SLC35F1: variants seen among roughly 807,000 people sequenced by gnomAD.
SLC35F1 encodes the protein chromosome 6 open reading frame 169.
In SLC35F1, 14 loss-of-function variants were observed where a neutral mutation model predicts 48.7. The observed-to-expected ratio is 0.29, with a 90% confidence interval of 0.19 to 0.45. The LOEUF is 0.45. Ranked by LOEUF, SLC35F1 falls within the 20% of genes least tolerant of loss-of-function variation. The probability of loss-of-function intolerance (pLI) is 1.00; values close to 1 mark genes in which losing one functional copy is unlikely to be tolerated. For synonymous variants in SLC35F1, 190 were observed against 202.2 expected, an observed-to-expected ratio of 0.94 and a Z score of 0.51; for missense variants, 404 against 500.0, an observed-to-expected ratio of 0.81 and a Z score of 1.83.
intron 2 of SLC35F1, among the ~76,000 whole-genome samples, chr6:118,179,124 G>A (rs932295869): frequency 6.6e-6 from 1 of 151,992 alleles, no homozygotes. Flanking sequence ...CAGGGGCTTG[G>A]GTATGCTTCA....
intron 1 of SLC35F1, among the ~76,000 whole-genome samples, chr6:118,112,096 CTTTTCTTTTCTTTTCTTTTCT>C (rs1562293519): frequency 7.7e-5 from 4 of 51,864 alleles, no homozygotes; most frequent in African/African-American, 2.8e-4. Flanking sequence ...CTTTTCTTTT[CTTTTCTTTTCTTTTCTTTTCT>C]TTTCTTTTCT....
At position 118,302,651 on chromosome 6, in the gene SLC35F1, T is replaced by C. The variant is rs1319836584; in HGVS notation, c.1003-11377T>C. 2.0e-5 allele frequency among the ~76,000 whole-genome samples: 3 copies of C among 152,196 alleles called. No homozygotes were observed. In the East Asian group the frequency reaches 5.8e-4, roughly 29 times the overall value. On this transcript the variant is annotated intron_variant, in intron 7 of 7. Coordinates refer to ENST00000360388, the MANE Select transcript of SLC35F1 (RefSeq NM_001029858.4). Reference sequence around the variant, plus strand: ...TTTGCTTACATAATAATAGCATAACTCAAAGTTCACTTTGTTTTCAAGTCT... The same window carrying C: ...TTTGCTTACATAATAATAGCATAACCCAAAGTTCACTTTGTTTTCAAGTCT...
chr6:118,049,522 AAAAC>A (rs1319275073), intron 1 of SLC35F1, among the ~76,000 whole-genome samples: 4 of 151,946 alleles, frequency 2.6e-5, no homozygotes, highest in African/African-American at 7.3e-5. Context: ...TTACAAGAAA[AAAAC>A]AAACAACCCC....
intron 1 of SLC35F1, among the ~76,000 whole-genome samples, chr6:117,978,085 A>C (rs1006686455): frequency 7.2e-5 from 11 of 152,036 alleles, no homozygotes; most frequent in African/African-American, 2.4e-5. Context: ...TTTTCAGAGT[A>C]AATTATTTTA....
At chr6:118,159,305 C>T (rs1381820145) in intron 2 of SLC35F1, among the ~76,000 whole-genome samples, 1 of 146,970 alleles carries the variant, frequency 6.8e-6, no homozygotes, top group East Asian at 2.1e-4. Flanking sequence ...AAGAAATGTA[C>T]TCCACCAAAG....
At chr6:118,044,191 G>T (rs1772267657) in intron 1 of SLC35F1, among the ~76,000 whole-genome samples, 1 of 152,138 alleles carries the variant, frequency 6.6e-6, no homozygotes, top group Admixed American at 6.5e-5. Context: ...GGAACAGATG[G>T]CTTATTCAGG....
rs1775710178 is a variant in SLC35F1, at chr6:117,907,801, C to T, written c.75C>T (p.Thr25=). The T allele has an allele frequency of 6.4e-7, 1 of 1,556,754 alleles. No homozygotes were observed. Among genetic ancestry groups the T allele is most frequent in the Non-Finnish European group, 8.6e-7 (1 of 1,160,756 alleles). Residue 25 remains threonine (T), a synonymous_variant, in exon 1 of 8, where the codon ACC becomes ACT. Coordinates refer to ENST00000360388, the MANE Select transcript of SLC35F1 (RefSeq NM_001029858.4). ...SPAPPNHVVT[T]IENLPAEGSG... Reference sequence around the variant, plus strand: ...CCCCGCCGAACCATGTGGTGACCACCATCGAGAACCTGCCGGCCGAGGGCA... The same window carrying T: ...CCCCGCCGAACCATGTGGTGACCACTATCGAGAACCTGCCGGCCGAGGGCA...
chr6:118,259,204 T>A (rs1562342281), intron 3 of SLC35F1, among the ~76,000 whole-genome samples: 1 of 151,950 alleles, frequency 6.6e-6, no homozygotes, highest in South Asian at 2.1e-4. Context: ...TTATGTTTGA[T>A]ATAAATTGGC....
chr6:118,115,059 G>T (rs768893209), intron 1 of SLC35F1, among the ~76,000 whole-genome samples: 1 of 152,140 alleles, frequency 6.6e-6, no homozygotes, highest in African/African-American at 2.4e-5. Context: ...CATCAAGATC[G>T]ATCTCTATTG....
intron 1 of SLC35F1, among the ~76,000 whole-genome samples, chr6:117,908,903 T>C (rs1181473959): frequency 2.0e-5 from 3 of 152,174 alleles, no homozygotes; most frequent in African/African-American, 7.2e-5. Flanking sequence ...TTGTGTTGGG[T>C]AGCAGAGATT....
At chr6:118,181,780 A>C (rs193205452) in intron 2 of SLC35F1, among the ~76,000 whole-genome samples, 2 of 152,296 alleles carry the variant, frequency 1.3e-5, no homozygotes, top group Middle Eastern at 6.8e-3. Flanking sequence ...CTCCAAAAAG[A>C]GAGCTACTTT....
intron 1 of SLC35F1, among the ~76,000 whole-genome samples, chr6:118,135,272 A>C (rs2114430519): frequency 6.6e-6 from 1 of 152,348 alleles, no homozygotes; most frequent in South Asian, 2.1e-4. Flanking sequence ...CAAACCAAAA[A>C]GCTAATAATT....
In SLC35F1 at chr6:118,316,156, ACTGT is replaced by A. The variant is rs1192640681; in HGVS notation, c.*1910_*1913del. ...AATCTGGCAGGCAAAAGCATCCCAC[ACTGT>A]CTGTCAGCACCCACATGGCCTTTTT... is the stretch of plus-strand genomic sequence containing the variant. On this transcript the variant is annotated 3_prime_UTR_variant, in exon 8 of 8. Coordinates refer to ENST00000360388, the MANE Select transcript of SLC35F1 (RefSeq NM_001029858.4). 8 of 152,338 alleles carry A rather than the reference ACTGT, an allele frequency of 5.3e-5. No homozygotes were observed. The South Asian group carries it at 6.2e-4, about 12-fold the overall frequency. 9.4% of individuals were successfully genotyped at this position (152,338 alleles called of 1,614,324 possible).
At chr6:117,938,616 C>T (rs913537598) in intron 1 of SLC35F1, among the ~76,000 whole-genome samples, 1 of 152,238 alleles carries the variant, frequency 6.6e-6, no homozygotes, top group Non-Finnish European at 1.5e-5. Flanking sequence ...CTGCTCCTGA[C>T]AGCTTGGCCA....
chr6:118,156,579 C>G (rs1402965897), intron 2 of SLC35F1, among the ~76,000 whole-genome samples: 1 of 151,792 alleles, frequency 6.6e-6, no homozygotes, highest in African/African-American at 2.4e-5. Context: ...ATGTAAATGA[C>G]GAGTTGATGG....
intron 7 of SLC35F1, among the ~76,000 whole-genome samples, chr6:118,308,947 G>A (rs1374412513): frequency 2.6e-5 from 4 of 152,044 alleles, no homozygotes; most frequent in Non-Finnish European, 5.9e-5. Flanking sequence ...CTTGAGCTAC[G>A]GTGTGAAATA....
intron 1 of SLC35F1, among the ~76,000 whole-genome samples, chr6:118,117,027 G>C (rs912906403): frequency 3.9e-5 from 6 of 152,138 alleles, no homozygotes; most frequent in African/African-American, 1.4e-4. Flanking sequence ...TTGTAGATTT[G>C]AGAGGGTTTG....
chr6:118,256,760 A>G (rs905750396), intron 3 of SLC35F1, among the ~76,000 whole-genome samples: 1 of 152,142 alleles, frequency 6.6e-6, no homozygotes, highest in East Asian at 1.9e-4. Flanking sequence ...TGGACTTATG[A>G]TGGTGTTACA....
At chr6:118,080,862 TAAAGAGA>T (rs1175788120) in intron 1 of SLC35F1, among the ~76,000 whole-genome samples, 1 of 152,156 alleles carries the variant, frequency 6.6e-6, no homozygotes, top group Non-Finnish European at 1.5e-5. Context: ...ACAGTCGGTG[TAAAGAGA>T]AAAAGCTAAT....
Sources: allele counts gnomAD v4.1 joint callset (sites outside exome capture counted in the v4.1 genomes callset), GRCh38; gene constraint gnomAD v4.1.1; transcripts MANE v1.5; gene names NCBI Gene and HGNC (gene_info 2026-07-23, HGNC 2026-07-21).